The following DAB2IP variants were observed in gnomAD, a reference collection of about 807,000 sequenced individuals.
The protein encoded by DAB2IP is DAB2 interacting protein, also known as disabled homolog 2-interacting protein.
A neutral mutation model predicts 107.2 loss-of-function variants in DAB2IP; 28 were observed. The observed-to-expected ratio is 0.26, with a 90% CI of 0.19 to 0.36. The LOEUF is 0.36. Ranked by LOEUF, DAB2IP falls within the 10% of genes least tolerant of loss-of-function variation. The probability of loss-of-function intolerance (pLI) is 1.00; values close to 1 mark genes in which losing one functional copy is unlikely to be tolerated. For missense variants in DAB2IP, 1,400 were observed against 1,644.7 expected (o/e 0.85, Z 2.57); for synonymous variants, 755 against 706.4 (o/e 1.07, Z -1.09).
chr9:121,760,510 C>A lies in DAB2IP; in HGVS notation c.1170+71C>A. The A allele has an allele frequency of 6.8e-7, 1 of 1,468,148 alleles. No individual in the cohort carries two copies. Among genetic ancestry groups the A allele is most frequent in the East Asian group, 2.5e-5 (1 of 40,764 alleles). 90.9% of individuals were successfully genotyped at this position (1,468,148 alleles called of 1,614,324 possible). ...CTGGGTTACCTGCCCTTCCTCACATCCGTACATTTCAGGCCTAACAGAGGC... is the reference window on the plus strand; with the variant it reads ...CTGGGTTACCTGCCCTTCCTCACATACGTACATTTCAGGCCTAACAGAGGC... On this transcript the variant is annotated intron_variant, in intron 6 of 15. Transcript: ENST00000408936. The surrounding 1 kb of genome is among the most constrained non-coding windows in gnomAD (Gnocchi z 5.9).
At chr9:121,714,240 A>G (rs1489496452) in intron 3 of DAB2IP, among the ~76,000 whole-genome samples, 1 of 152,204 alleles carries the variant, frequency 6.6e-6, no homozygotes, top group African/African-American at 2.4e-5. Flanking sequence ...TTGTGCTGAC[A>G]TTTCTCCCAC....
intron 3 of DAB2IP, among the ~76,000 whole-genome samples, chr9:121,747,721 C>T (rs1048112921): frequency 1.3e-5 from 2 of 152,046 alleles, no homozygotes; most frequent in South Asian, 2.1e-4. Context: ...AACTGCTTTG[C>T]GGTCCCCAAA....
chr9:121,609,571 A>G (rs1831017944), intron 1 of DAB2IP, among the ~76,000 whole-genome samples: 1 of 152,194 alleles, frequency 6.6e-6, no homozygotes, highest in Non-Finnish European at 1.5e-5. Context: ...TCTAACTTGT[A>G]TGTTTATTAA....
chr9:121,598,134 C>T (rs1830566435), intron 1 of DAB2IP: 1 of 152,256 alleles, frequency 6.6e-6, no homozygotes, highest in Non-Finnish European at 1.5e-5. Context: ...TCAGAGAGGA[C>T]GCTGGCTTCC....
chr9:121,658,510 C>T (rs13289585), intron 1 of DAB2IP, among the ~76,000 whole-genome samples: 11,627 of 152,130 alleles, frequency 0.076, 610 homozygotes, highest in Non-Finnish European at 0.11. Context: ...TTAGCCATCC[C>T]GATTCAGTAG....
intron 3 of DAB2IP, chr9:121,737,368 A>C (rs1398586454): frequency 1.0e-6 from 1 of 985,324 alleles, no homozygotes; most frequent in Non-Finnish European, 1.2e-6. Context: ...TGTTGTCATC[A>C]CTGTGTTTAT....
chr9:121,663,001 AAAAAAGG>A (rs1354512389), intron 1 of DAB2IP, among the ~76,000 whole-genome samples: 1 of 152,220 alleles, frequency 6.6e-6, no homozygotes, highest in African/African-American at 2.4e-5. Flanking sequence ...CTCAGAAAGT[AAAAAAGG>A]AAAAAGAAAC....
At chr9:121,718,883 C>T (rs941401135) in intron 3 of DAB2IP, among the ~76,000 whole-genome samples, 1 of 152,216 alleles carries the variant, frequency 6.6e-6, no homozygotes, top group Non-Finnish European at 1.5e-5. Context: ...AAAGCTGGCT[C>T]TGCTCCCCCT....
chr9:121,725,257 C>G (rs964657412), intron 3 of DAB2IP, among the ~76,000 whole-genome samples: 3 of 152,218 alleles, frequency 2.0e-5, no homozygotes, highest in South Asian at 2.1e-4. Flanking sequence ...ATGACTTCAT[C>G]TCCTGTGATT....
chr9:121,602,131 T>C lies in DAB2IP; in HGVS notation c.40+34903T>C, dbSNP rs374391061. 1.6e-4 allele frequency among the ~76,000 whole-genome samples: 24 copies of C among 152,284 alleles called. 1 individual carries two copies. In the East Asian group the frequency reaches 3.3e-3, roughly 21 times the overall value. ...ACTCTTAGGAAGAGAACGTGGAATA[T>C]AGTTTTCAACAGATCTGAATTTAGT... On this transcript the variant is annotated intron_variant, in intron 1 of 16. Coordinates refer to the DAB2IP transcript ENST00000259371.
intron 1 of DAB2IP, among the ~76,000 whole-genome samples, chr9:121,615,142 T>C (rs74813528): frequency 0.15 from 22,142 of 152,172 alleles, 2,021 homozygotes; most frequent in East Asian, 0.36. Flanking sequence ...ATGTCTGCAA[T>C]AGTTGTCGGC....
At chr9:121,743,752 G>A (rs768212880) in intron 3 of DAB2IP, among the ~76,000 whole-genome samples, 1 of 152,202 alleles carries the variant, frequency 6.6e-6, no homozygotes, top group Non-Finnish European at 1.5e-5. Flanking sequence ...AAGAGAGGCT[G>A]GGAAAGCCAG....
At chr9:121,573,382 T>TTGTTTTG (rs1162396120) in intron 1 of DAB2IP, among the ~76,000 whole-genome samples, 2 of 151,684 alleles carry the variant, frequency 1.3e-5, no homozygotes, top group African/African-American at 4.9e-5. Flanking sequence ...CAGCATTTTT[T>TTGTTTTG]TGTTTTGTTT....
At chr9:121,768,601 C>T (rs376861447) in exon 10 of DAB2IP, 3 of 1,613,982 alleles carry the variant, frequency 1.9e-6, no homozygotes, top group Admixed American at 1.7e-5. Context: ...CCTGCACTCA[C>T]TGCTCTGGGA....
Position 121,701,531 on chromosome 9 carries a change from A to T in DAB2IP, c.362+2073A>T, listed in dbSNP as rs1358180870. ...GGCTTGGTGGCCTCTCTGGCACAGGAAGGGAGCCTAGATTTCCCATGGACA... is the reference window on the plus strand; with the variant it reads ...GGCTTGGTGGCCTCTCTGGCACAGGTAGGGAGCCTAGATTTCCCATGGACA... On this transcript the variant is annotated intron_variant, in intron 3 of 15. Coordinates refer to ENST00000408936, the Ensembl canonical transcript of DAB2IP. The surrounding 1 kb of genome is among the most constrained non-coding windows in gnomAD (Gnocchi z 4.7). Among the ~76,000 whole-genome samples the T allele has an allele frequency of 6.6e-6, 1 of 152,194 alleles. No individual in the cohort carries two copies. Among genetic ancestry groups the T allele is most frequent in the Admixed American group, 6.5e-5 (1 of 15,284 alleles).
intron 3 of DAB2IP, among the ~76,000 whole-genome samples, chr9:121,707,777 A>G (rs908388872): frequency 6.6e-6 from 1 of 152,184 alleles, no homozygotes; most frequent in Admixed American, 6.5e-5. Context: ...GCAGCTGCAG[A>G]TTGTTAGCAG....
intron 2 of DAB2IP, among the ~76,000 whole-genome samples, chr9:121,692,821 A>G (rs1829229770): frequency 6.6e-6 from 1 of 152,046 alleles, no homozygotes; most frequent in African/African-American, 2.4e-5. Flanking sequence ...CCTTGAGGGG[A>G]GGAGGCCAGA....
rs1439867219 is a variant in DAB2IP, at chr9:121,634,514, C to T, written c.41-44164C>T. Among the ~76,000 whole-genome samples, 1 of 152,190 alleles carries T rather than the reference C, an allele frequency of 6.6e-6. No individual in the cohort carries two copies. The highest frequency in any genetic ancestry group is 1.9e-4 in the East Asian group (1 of 5,186). ...TCCCCTTGTGCCTAGAAAGCAGCCT[C>T]ACTCCAGCACAAGCCTGGGCAGGTG... On this transcript the variant is annotated intron_variant, in intron 1 of 16. Coordinates refer to the DAB2IP transcript ENST00000259371. This position sits in a 1 kb window ranked among gnomAD's most constrained non-coding sequence, Gnocchi z 4.7.
chr9:121,763,717 C>CT lies in DAB2IP; in HGVS notation c.1316-17dup. ...CCGCCAGGTCCTCACTCCCCACTCC[C>CT]TGCCCACTTGTCCATAGGTGAGTTC... On this transcript the variant is annotated splice_polypyrimidine_tract_variant and intron_variant, in intron 7 of 15. Transcript: ENST00000408936. 6.2e-7 allele frequency: 1 copy of CT among 1,613,236 alleles called. No homozygotes were observed. Among genetic ancestry groups the CT allele is most frequent in the Non-Finnish European group, 8.5e-7 (1 of 1,179,444 alleles).
Sources: gnomAD v4.1 joint callset for allele counts (sites outside exome capture counted in the v4.1 genomes callset) on GRCh38, gnomAD v4.1.1 for gene constraint, Gnocchi (gnomAD v3.1) non-coding constraint, MANE v1.5 for transcripts, NCBI Gene and HGNC (gene_info 2026-07-23, HGNC 2026-07-21) for gene names.